PFKP: variants seen among roughly 807,000 people sequenced by gnomAD.
PFKP encodes phosphofructokinase, platelet, also known as ATP-dependent 6-phosphofructokinase, platelet type.
Under a neutral mutation model 94.3 loss-of-function variants are expected in PFKP, and 101 were observed. The ratio of observed to expected loss-of-function variants is 1.07; its 90% CI spans 0.91 to 1.26. PFKP has a LOEUF of 1.26. Among genes scored for constraint, PFKP ranks in the 50% most tolerant of loss-of-function variants. PFKP has a pLI of 0.00. For synonymous variants in PFKP, 573 were observed against 432.6 expected (o/e 1.32, Z -4.03); for missense variants, 1,145 against 1,103.3 (o/e 1.04, Z -0.53).
At position 3,116,928 on chromosome 10, in the gene PFKP, G is replaced by A. The variant is rs945763510; in HGVS notation, c.1442+82G>A. 29 of 1,088,072 alleles carry A rather than the reference G, an allele frequency of 2.7e-5. 1 individual carries two copies. Among genetic ancestry groups the A allele is most frequent in the Middle Eastern group, 4.0e-4 (2 of 4,960 alleles). The allele number at this position is 1,088,072 out of a possible 1,614,324, so 67.4% of individuals were successfully genotyped here. A position where few individuals can be genotyped will look rare whatever the true frequency, so the allele number is the denominator to read the frequency against. On this transcript the variant is annotated intron_variant, in intron 14 of 21. Transcript: ENST00000381125. ...TTCTGGGAGAGAATCGCTGGGTGCC[G>A]ACGCCAGTTGGATTCCTGGAAAGGC...
intron 1 of PFKP, among the ~76,000 whole-genome samples, chr10:3,079,679 G>A (rs1832894393): frequency 7.9e-6 from 1 of 126,964 alleles, no homozygotes; most frequent in South Asian, 2.8e-4. Context: ...GGGGGGAAGA[G>A]GAGCAGGGGT....
intron 9 of PFKP, 53 bp from the exon 10 acceptor site, chr10:3,109,302 G>A (rs1276861738): frequency 2.6e-5 from 42 of 1,600,976 alleles, no homozygotes; most frequent in Non-Finnish European, 3.4e-5. Flanking sequence ...GGAGGTGACA[G>A]GGACAGGGCA....
intron 1 of PFKP, among the ~76,000 whole-genome samples, chr10:3,079,741 T>C (rs971864904): frequency 6.7e-6 from 1 of 148,482 alleles, no homozygotes; most frequent in Non-Finnish European, 1.5e-5. Flanking sequence ...TGCTTCCTAG[T>C]GTTGGCACGG....
intron 7 of PFKP, 144 bp from the exon 8 acceptor site, chr10:3,107,070 G>T: frequency 2.1e-6 from 1 of 482,044 alleles, no homozygotes. Context: ...TGATGTCATT[G>T]GGAAGCAGCT....
At chr10:3,130,952 C>T (rs569659943) in intron 17 of PFKP, among the ~76,000 whole-genome samples, 2 of 152,248 alleles carry the variant, frequency 1.3e-5, no homozygotes, top group East Asian at 1.9e-4. Context: ...ATGTGAATCA[C>T]GAATTTCTTT....
In PFKP at chr10:3,133,257, A is replaced by C. The variant is rs1564359402; in HGVS notation, c.1965A>C (p.Ser655=). ...YTTDFIYQLY[S]EEGKGVFDCR... is the part of the protein sequence containing the mutation. The stretch of plus-strand genomic sequence containing the variant: ...CCGACTTCATTTACCAGCTGTATTC[A>C]GAAGAGGGCAAAGGCGTGTTTGACT... Residue 655 remains serine, a synonymous_variant, in exon 19 of 22, where the codon TCA becomes TCC. Coordinates refer to ENST00000381125, the MANE Select transcript of PFKP (RefSeq NM_002627.5). The C allele has an allele frequency of 6.2e-7, 1 of 1,614,182 alleles. No individual in the cohort carries two copies.
chr10:3,067,739 G>A, intron 1 of PFKP, 32 bp downstream of exon 1: 1 of 1,185,924 alleles, frequency 8.4e-7, no homozygotes, highest in Non-Finnish European at 1.2e-6. Context: ...GCGAGGGAGG[G>A]ACGGACGGAC....
rs113319431 is a variant in PFKP, at chr10:3,109,581, A to C, written c.1089+101A>C. 3.2e-3 allele frequency: 4,473 copies of C among 1,406,680 alleles called. 116 individuals are homozygous for C. The African/African-American group carries it at 0.056, about 18-fold the overall frequency. The allele number at this position is 1,406,680 out of a possible 1,614,324, so 87.1% of individuals were successfully genotyped here. On this transcript the variant is annotated intron_variant, in intron 10 of 21. Coordinates refer to ENST00000381125, the MANE Select transcript of PFKP (RefSeq NM_002627.5). ...ACCTTGGGTGTCTCGTCGGTGCACG[A>C]TGCATTACACGGCCTTTCTGAGAAG...
Position 3,129,927 on chromosome 10 carries a change from G to A in PFKP, c.1792G>A (p.Ala598Thr). The change falls in exon 17 of 22, where the codon GCC (alanine) becomes ACC (threonine). Residue 598 changes from alanine to threonine, a missense_variant. Transcript: ENST00000381125. ...CCTGGCCAACATGGGGGGGCTCGCG[G>A]CCGGAGCTGATGCCGCATACATTTT... is the stretch of plus-strand genomic sequence containing the variant. Reference protein sequence around the residue: ...GYLANMGGLAAGADAAYIFEE... With the variant: ...GYLANMGGLATGADAAYIFEE... 1 of 1,610,874 alleles carries A rather than the reference G, an allele frequency of 6.2e-7. No homozygotes were observed. Among genetic ancestry groups the A allele is most frequent in the East Asian group, 2.2e-5 (1 of 44,802 alleles).
At chr10:3,105,287 C>A in intron 6 of PFKP, 106 bp from the exon 7 acceptor site, 1 of 1,297,934 alleles carries the variant, frequency 7.7e-7, no homozygotes, top group Non-Finnish European at 1.1e-6. Flanking sequence ...CATCCCGCTT[C>A]ATACCTGGCG....
At chr10:3,109,165 G>A (rs572055726) in intron 9 of PFKP, among the ~76,000 whole-genome samples, 190 bp from the exon 10 acceptor site, 9 of 152,300 alleles carry the variant, frequency 5.9e-5, no homozygotes, top group African/African-American at 2.2e-4. Flanking sequence ...CATGTGCCCT[G>A]ACCTCCTCTC....
At chr10:3,071,911 G>A in intron 1 of PFKP, among the ~76,000 whole-genome samples, 1 of 152,220 alleles carries the variant, frequency 6.6e-6, no homozygotes, top group Middle Eastern at 3.2e-3. Context: ...TGAGCAAGGG[G>A]CGCCTGAGTT....
chr10:3,131,861 T>TAAGAGGGAG (rs1314357677), intron 17 of PFKP, among the ~76,000 whole-genome samples: 33 of 152,290 alleles, frequency 2.2e-4, no homozygotes, highest in Non-Finnish European at 4.3e-4. Flanking sequence ...ACCTCCCTCT[T>TAAGAGGGAG]GTAATCCTCC....
At chr10:3,084,172 GTCA>G (rs1427116036) in intron 2 of PFKP, among the ~76,000 whole-genome samples, 1 of 152,240 alleles carries the variant, frequency 6.6e-6, no homozygotes, top group South Asian at 2.1e-4. Context: ...AAAAGGGACA[GTCA>G]TCATGATGGC....
chr10:3,131,485 C>T (rs910682021), intron 17 of PFKP, among the ~76,000 whole-genome samples: 5 of 152,122 alleles, frequency 3.3e-5, no homozygotes, highest in Admixed American at 1.3e-4. Context: ...GAGATGGAGT[C>T]TCGCTCTGTC....
At chr10:3,122,595 G>A (rs1025509259) in intron 16 of PFKP, among the ~76,000 whole-genome samples, 3 of 152,220 alleles carry the variant, frequency 2.0e-5, no homozygotes, top group African/African-American at 7.2e-5. Flanking sequence ...GGATGGCTCC[G>A]GGTCCCCCCG....
At chr10:3,135,283 G>A (rs1839111316) in intron 20 of PFKP, among the ~76,000 whole-genome samples, 1 of 151,978 alleles carries the variant, frequency 6.6e-6, no homozygotes. Flanking sequence ...TTAGAAAAAT[G>A]ACAGTCTATA....
intron 2 of PFKP, among the ~76,000 whole-genome samples, chr10:3,087,641 T>C (rs1833704374): frequency 6.6e-6 from 1 of 152,196 alleles, no homozygotes; most frequent in Non-Finnish European, 1.5e-5. Context: ...TTTATGAATT[T>C]TGGCACAAAG....
chr10:3,098,418 G>A (rs1254917814), intron 2 of PFKP, among the ~76,000 whole-genome samples: 1 of 152,052 alleles, frequency 6.6e-6, no homozygotes, highest in African/African-American at 2.4e-5. Flanking sequence ...GCTCACGCCT[G>A]TAATTCCAGC....
Sources: gnomAD v4.1 joint callset for allele counts (sites outside exome capture counted in the v4.1 genomes callset) on GRCh38, gnomAD v4.1.1 for gene constraint, MANE v1.5 for transcripts, NCBI Gene and HGNC (gene_info 2026-07-23, HGNC 2026-07-21) for gene names.